TSNARE1: variants seen among roughly 807,000 people sequenced by gnomAD.
TSNARE1 encodes t-SNARE domain containing 1.
In TSNARE1, 49 loss-of-function variants were observed where a neutral mutation model predicts 62.0. The ratio of observed to expected loss-of-function variants is 0.79; its 90% CI spans 0.63 to 1.00. The LOEUF (loss-of-function observed/expected upper bound fraction) is 1.00. TSNARE1 is among the 50% of genes least tolerant of loss of function. TSNARE1 has a pLI of 0.00. For synonymous variants in TSNARE1, 328 were observed against 294.4 expected (o/e 1.11, Z -1.17); for missense variants, 755 against 700.1 (o/e 1.08, Z -0.88).
chr8:142,300,545 T>C lies in TSNARE1; in HGVS notation c.1231A>G (p.Ile411Val). 6.2e-7 allele frequency: 1 copy of C among 1,612,330 alleles called. No homozygotes were observed. Among genetic ancestry groups the C allele is most frequent in the Non-Finnish European group, 8.5e-7 (1 of 1,179,984 alleles). The change falls in exon 10 of 14, where the codon ATC becomes GTC. Residue 411 changes from isoleucine to valine, a missense_variant. Ile to Val is a conservative substitution (Grantham distance 29, BLOSUM62 3). Transcript: ENST00000524325. ...QGQEQALLPD[I>V]TEEDLEAIRL... ...ATGGCCTCCAGGTCCTCTTCAGTGA[T>C]GTCCGGGAGCAGCGCCTGCTCCTGG...
rs550800105 is a variant in TSNARE1 at position 142,319,756 on chromosome 8, G to A, written c.894-1122C>T. On this transcript the variant is annotated intron_variant, in intron 6 of 13. Transcript: ENST00000524325. This position sits in a 1 kb window ranked among gnomAD's most constrained non-coding sequence, Gnocchi z 4.9. ...CCACCTCCTGATACCCACCCTGGGC[G>A]GGCAGAGCCTGTGGCACACAGAGGA... is the stretch of plus-strand genomic sequence containing the variant. 2.0e-5 allele frequency among the ~76,000 whole-genome samples: 3 copies of A among 152,160 alleles called. No individual in the cohort carries two copies. Among genetic ancestry groups the A allele is most frequent in the East Asian group, 1.9e-4 (1 of 5,132 alleles).
chr8:142,265,656 T>C (rs947276084), intron 12 of TSNARE1, among the ~76,000 whole-genome samples: 1 of 152,264 alleles, frequency 6.6e-6, no homozygotes, highest in Non-Finnish European at 1.5e-5. Context: ...TGTTTACATG[T>C]TGAAGAAACT....
intron 11 of TSNARE1, chr8:142,278,603 A>G (rs1164994879): frequency 4.1e-6 from 4 of 985,322 alleles, no homozygotes; most frequent in Non-Finnish European, 4.8e-6. Context: ...GGCAGGAGGA[A>G]GCACGGAGCC....
At chr8:142,392,947 G>GAAAAAAA in intron 1 of TSNARE1, among the ~76,000 whole-genome samples, 1 of 109,550 alleles carries the variant, frequency 9.1e-6, no homozygotes, top group African/African-American at 3.4e-5. Context: ...AGGAGAAAAA[G>GAAAAAAA]AAAAAAAAAA....
At chr8:142,312,358 C>T (rs1007661509) in intron 9 of TSNARE1, among the ~76,000 whole-genome samples, 4 of 152,168 alleles carry the variant, frequency 2.6e-5, no homozygotes, top group Non-Finnish European at 1.5e-5. Flanking sequence ...TGCCTGATGA[C>T]TTTGGCTTAA....
intron 1 of TSNARE1, among the ~76,000 whole-genome samples, chr8:142,380,887 TA>T (rs781098188): frequency 2.0e-5 from 3 of 151,698 alleles, no homozygotes; most frequent in East Asian, 2.0e-4. Context: ...TAAGAAATAA[TA>T]AAGGGGGGGG....
chr8:142,321,818 C>T (rs1442640658), intron 6 of TSNARE1, among the ~76,000 whole-genome samples: 1 of 152,150 alleles, frequency 6.6e-6, no homozygotes, highest in Admixed American at 6.5e-5. Context: ...TGCTTAAAAA[C>T]ATTGCTGCAA....
chr8:142,320,893 G>A (rs922687830), intron 6 of TSNARE1, among the ~76,000 whole-genome samples: 1 of 152,234 alleles, frequency 6.6e-6, no homozygotes, highest in Non-Finnish European at 1.5e-5. Flanking sequence ...ACATCCTCAT[G>A]GAGCCATTAG....
chr8:142,362,690 G>A lies in TSNARE1; in HGVS notation c.-39-7927C>T, dbSNP rs911349815. ...TCTCACGGGTCCCACTCTTCATACCGTCACAATGGTGACTGGATTTCAATG... is the reference window on the plus strand; with the variant it reads ...TCTCACGGGTCCCACTCTTCATACCATCACAATGGTGACTGGATTTCAATG... On this transcript the variant is annotated intron_variant, in intron 1 of 13. Coordinates refer to ENST00000524325, the MANE Select transcript of TSNARE1 (RefSeq NM_145003.5). 1.1e-4 allele frequency among the ~76,000 whole-genome samples: 16 copies of A among 152,230 alleles called. No homozygotes were observed. The East Asian group carries it at 1.5e-3, about 15-fold the overall frequency.
Position 142,333,594 on chromosome 8 carries a change from A to C in TSNARE1, c.746-1763T>G, listed in dbSNP as rs182362962. Among the ~76,000 whole-genome samples the C allele has an allele frequency of 4.5e-3, 683 of 152,244 alleles. 7 individuals carry two copies. Among genetic ancestry groups the C allele is most frequent in the African/African-American group, 0.015 (637 of 41,562 alleles). ...CTGGCTGGATATCTGGGTTTCCACCAGGACAAGGCCCAAGCCCAGCTCTGC... is the reference window on the plus strand; with the variant it reads ...CTGGCTGGATATCTGGGTTTCCACCCGGACAAGGCCCAAGCCCAGCTCTGC... On this transcript the variant is annotated intron_variant, in intron 4 of 13. Coordinates refer to ENST00000524325, the MANE Select transcript of TSNARE1 (RefSeq NM_145003.5).
chr8:142,313,110 G>A (rs1252929293), intron 9 of TSNARE1, among the ~76,000 whole-genome samples: 1 of 151,954 alleles, frequency 6.6e-6, no homozygotes, highest in Non-Finnish European at 1.5e-5. Context: ...CTGCGTGACT[G>A]TTTATCCGTG....
intron 12 of TSNARE1, chr8:142,273,971 T>C (rs1421423993): frequency 1.0e-6 from 1 of 985,094 alleles, no homozygotes; most frequent in African/African-American, 1.7e-5. Context: ...CACCATCTCG[T>C]CTGCCAATAC....
Position 142,284,431 on chromosome 8 carries a change from C to T in TSNARE1, c.1345G>A (p.Glu449Lys). 1.2e-6 allele frequency: 2 copies of T among 1,613,614 alleles called. No individual in the cohort carries two copies. The highest frequency in any genetic ancestry group is 1.7e-5 in the Admixed American group (1 of 60,026). The change falls in exon 11 of 14, where the codon GAG (glutamate) becomes AAG (lysine). Residue 449 changes from glutamate to lysine, a missense_variant. By Grantham distance (56) the Glu-to-Lys change is moderately conservative. Coordinates refer to ENST00000524325, the MANE Select transcript of TSNARE1 (RefSeq NM_145003.5). ...TACCCACCAACAGCTTCTCCTTGCT[C>T]TGACACCATGGAGGCCAAGTCCTTG... ...IIKDLASMVS[E>K]QGEAVDSIEA...
intron 9 of TSNARE1, among the ~76,000 whole-genome samples, chr8:142,303,283 G>A (rs1826073223): frequency 6.6e-6 from 1 of 152,150 alleles, no homozygotes; most frequent in South Asian, 2.1e-4. Context: ...GGCCTCCCGG[G>A]GTAGCAGGGG....
chr8:142,234,993 C>T (rs866800019), intron 12 of TSNARE1, among the ~76,000 whole-genome samples: 3 of 152,020 alleles, frequency 2.0e-5, no homozygotes, highest in African/African-American at 7.3e-5. Context: ...TGAGGAGTGC[C>T]CCCAGCAAAA....
intron 9 of TSNARE1, among the ~76,000 whole-genome samples, chr8:142,301,529 G>A (rs1435147499): frequency 6.9e-6 from 1 of 145,666 alleles, no homozygotes; most frequent in East Asian, 2.0e-4. Flanking sequence ...CCCGTCAGGA[G>A]CCCGGCCACA....
At chr8:142,362,791 C>T (rs1835259910) in intron 1 of TSNARE1, among the ~76,000 whole-genome samples, 1 of 152,234 alleles carries the variant, frequency 6.6e-6, no homozygotes, top group Non-Finnish European at 1.5e-5. Flanking sequence ...CCCAGCTCAA[C>T]CTCTAGCTGG....
chr8:142,308,852 G>A (rs1346107509), intron 9 of TSNARE1, among the ~76,000 whole-genome samples: 1 of 152,082 alleles, frequency 6.6e-6, no homozygotes, highest in African/African-American at 2.4e-5. Flanking sequence ...AGATTCACTG[G>A]GTGAGAGCTG....
chr8:142,337,655 G>A (rs1387313854), intron 4 of TSNARE1, among the ~76,000 whole-genome samples: 10 of 152,318 alleles, frequency 6.6e-5, no homozygotes, highest in South Asian at 2.1e-4. Context: ...GGGGGTCCAC[G>A]GTTACGAGGC....
Sources: gnomAD v4.1 joint callset for allele counts (sites outside exome capture counted in the v4.1 genomes callset) on GRCh38, gnomAD v4.1.1 for gene constraint, Gnocchi (gnomAD v3.1) non-coding constraint, MANE v1.5 for transcripts, NCBI Gene and HGNC (gene_info 2026-07-23, HGNC 2026-07-21) for gene names.